CD46: variants seen among roughly 807,000 people sequenced by gnomAD.
The protein encoded by CD46 is CD46 molecule, also known as membrane cofactor protein.
In CD46, 30 loss-of-function variants were observed where a neutral mutation model predicts 53.3. That is an observed-to-expected ratio of 0.56 (90% CI 0.42 to 0.76). The LOEUF is 0.76. Among genes scored for constraint, CD46 ranks in the 30% least tolerant of loss-of-function variants. The pLI, the probability that CD46 is intolerant of heterozygous loss-of-function variation, is 0.00. For missense variants in CD46, 409 were observed against 463.0 expected, an observed-to-expected ratio of 0.88 and a Z score of 1.07; for synonymous variants, 142 against 152.0, an observed-to-expected ratio of 0.93 and a Z score of 0.48.
At chr1:207,779,143 C>A (rs888596709) in intron 8 of CD46, among the ~76,000 whole-genome samples, 1 of 152,044 alleles carries the variant, frequency 6.6e-6, no homozygotes, top group East Asian at 1.9e-4. Context: ...TTGTATCCTG[C>A]AACTTTGGTG....
intron 5 of CD46, 69 bp from the exon 6 acceptor site, chr1:207,766,944 T>G: frequency 8.1e-7 from 1 of 1,230,766 alleles, no homozygotes; most frequent in Non-Finnish European, 1.2e-6. Context: ...CACTGGAAAT[T>G]ACTACTTTGT....
At chr1:207,780,392 G>A (rs1447466044) in intron 8 of CD46, among the ~76,000 whole-genome samples, 3 of 151,920 alleles carry the variant, frequency 2.0e-5, no homozygotes, top group Non-Finnish European at 4.4e-5. Context: ...TCCTTTTTAT[G>A]GCTGAATAAT....
chr1:207,771,472 G>A lies in CD46; in HGVS notation c.943+1110G>A, dbSNP rs141608653. On this transcript the variant is annotated intron_variant, in intron 8 of 12. Transcript: ENST00000367042. The stretch of plus-strand genomic sequence containing the variant: ...TGTTTTAGTTATGAAGTATTTGCCC[G>A]TGCCTATGTCCTGAATGGTATTGCC... 3.6e-3 allele frequency among the ~76,000 whole-genome samples: 550 copies of A among 152,124 alleles called. 5 individuals are homozygous for A. The highest frequency in any genetic ancestry group is 0.012 in the African/African-American group (513 of 41,512).
intron 12 of CD46, among the ~76,000 whole-genome samples, chr1:207,790,896 G>A (rs759740480): frequency 2.6e-5 from 4 of 152,194 alleles, no homozygotes; most frequent in Non-Finnish European, 5.9e-5. Flanking sequence ...CTTGGACCCT[G>A]TCCACCTTCT....
At chr1:207,770,416 T>C (rs1487992446) in intron 8 of CD46, 54 bp downstream of exon 8, 3 of 1,253,810 alleles carry the variant, frequency 2.4e-6, no homozygotes, top group East Asian at 2.5e-5. Context: ...TATTTATTTT[T>C]ATTATACTTT....
In CD46 at chr1:207,783,339, A is replaced by G. The variant is rs748624930; in HGVS notation, c.982+9A>G. 11 of 1,528,824 alleles carry G rather than the reference A, an allele frequency of 7.2e-6. No homozygotes were observed. The East Asian group carries it at 1.6e-4, about 22-fold the overall frequency. The allele number at this position is 1,528,824 out of a possible 1,614,324, so 94.7% of individuals were successfully genotyped here. A position where few individuals can be genotyped will look rare whatever the true frequency, so the allele number is the denominator to read the frequency against. The stretch of plus-strand genomic sequence containing the variant: ...AATACTTGACAGTTTGGGTTGGTAT[A>G]GCTATCATGACAAATATAAGTGGTA... On this transcript the variant is annotated intron_variant, in intron 9 of 12. Transcript: ENST00000367042.
rs979159098 is a variant in CD46, at chr1:207,793,594, A to G, written c.*117A>G. 2 of 1,612,726 alleles carry G rather than the reference A, an allele frequency of 1.2e-6. No homozygotes were observed. The highest frequency in any genetic ancestry group is 1.7e-4 in the Middle Eastern group (1 of 6,056). Reference sequence around the variant, plus strand: ...CTCCAGCAGAGCAGAGAGGCTGAATAGATTCCACAACCTGGTTTGCCAGTT... The same window carrying G: ...CTCCAGCAGAGCAGAGAGGCTGAATGGATTCCACAACCTGGTTTGCCAGTT... On this transcript the variant is annotated 3_prime_UTR_variant, in exon 13 of 13. Coordinates refer to ENST00000367042, the MANE Select transcript of CD46 (RefSeq NM_172351.3).
At position 207,794,747 on chromosome 1, in the gene CD46, G is replaced by C. The variant is rs1226707676; in HGVS notation, c.*1270G>C. The C allele has an allele frequency of 1.3e-5, 2 of 152,234 alleles. No homozygotes were observed. Among genetic ancestry groups the C allele is most frequent in the African/African-American group, 2.4e-5 (1 of 41,460 alleles). The allele number at this position is 152,234 out of a possible 1,614,324, so 9.4% of individuals were successfully genotyped here. A position where few individuals can be genotyped will look rare whatever the true frequency, so the allele number is the denominator to read the frequency against. On this transcript the variant is annotated 3_prime_UTR_variant, in exon 13 of 13. Coordinates refer to ENST00000367042, the MANE Select transcript of CD46 (RefSeq NM_172351.3). ...GCACTTTATACTCAGGCAGATCTCA[G>C]CCCTCTACTGAGTCCCTTAGCCAAG...
chr1:207,785,215 T>C, intron 10 of CD46, 109 bp downstream of exon 10: 1 of 864,336 alleles, frequency 1.2e-6, no homozygotes, highest in Non-Finnish European at 1.9e-6. Context: ...GTAAATTGGT[T>C]AAACCGATTT....
chr1:207,786,233 C>T (rs139782879), intron 11 of CD46, among the ~76,000 whole-genome samples: 26 of 152,200 alleles, frequency 1.7e-4, no homozygotes, highest in African/African-American at 4.6e-4. Context: ...CAACACTATC[C>T]GATTTCCCTC....
At chr1:207,764,118 G>C (rs1450032311) in intron 5 of CD46, among the ~76,000 whole-genome samples, 2 of 152,144 alleles carry the variant, frequency 1.3e-5, no homozygotes, top group African/African-American at 4.8e-5. Flanking sequence ...AGAGACCTCA[G>C]ATCCCCTCAG....
chr1:207,774,017 A>G (rs753342703), intron 8 of CD46, among the ~76,000 whole-genome samples: 6 of 152,056 alleles, frequency 3.9e-5, no homozygotes, highest in East Asian at 3.9e-4. Context: ...GTGGGAGTCT[A>G]TGTCTCTTTG....
chr1:207,772,771 G>C (rs536507487), intron 8 of CD46, among the ~76,000 whole-genome samples: 1 of 152,298 alleles, frequency 6.6e-6, no homozygotes, highest in African/African-American at 2.4e-5. Context: ...TGGTGGATAA[G>C]CTTTTTGATG....
At chr1:207,788,055 C>A (rs1030116489) in intron 11 of CD46, among the ~76,000 whole-genome samples, 1 of 152,002 alleles carries the variant, frequency 6.6e-6, no homozygotes, top group Non-Finnish European at 1.5e-5. Flanking sequence ...TACTGATGTG[C>A]CTATATTGTT....
At position 207,788,739 on chromosome 1, in the gene CD46, A is replaced by G. The variant is rs141764445; in HGVS notation, c.1083-1514A>G. On this transcript the variant is annotated intron_variant, in intron 11 of 12. Transcript: ENST00000367042. ...GTTGTTAAAGCCTGGCACAAAATGT[A>G]TTTCTTGTAAACTGGTATTTATGGT... is the stretch of plus-strand genomic sequence containing the variant. Among the ~76,000 whole-genome samples, 289 of 152,310 alleles carry G rather than the reference A, an allele frequency of 1.9e-3. 4 individuals are homozygous for G. Among genetic ancestry groups the G allele is most frequent in the Admixed American group, 0.017 (266 of 15,302 alleles).
intron 1 of CD46, among the ~76,000 whole-genome samples, chr1:207,753,720 T>G: frequency 6.6e-6 from 1 of 152,198 alleles, no homozygotes; most frequent in Non-Finnish European, 1.5e-5. Context: ...ACATGCTTAT[T>G]GTGCGATACG....
chr1:207,776,429 T>C (rs1658112399), intron 8 of CD46, among the ~76,000 whole-genome samples: 1 of 152,224 alleles, frequency 6.6e-6, no homozygotes, highest in Admixed American at 6.5e-5. Context: ...AAATCACCTG[T>C]CTTCTGCATC....
intron 7 of CD46, 34 bp downstream of exon 7, chr1:207,767,857 A>T: frequency 1.3e-6 from 2 of 1,489,884 alleles, no homozygotes; most frequent in Non-Finnish European, 1.9e-6. Context: ...TTTTTCAAAA[A>T]TCCTTTAAAT....
chr1:207,776,928 G>T (rs1387010789), intron 8 of CD46, among the ~76,000 whole-genome samples: 1 of 152,182 alleles, frequency 6.6e-6, no homozygotes, highest in African/African-American at 2.4e-5. Flanking sequence ...GACCCACCAT[G>T]CCCGGCCAAT....
Sources: allele counts gnomAD v4.1 joint callset (sites outside exome capture counted in the v4.1 genomes callset), GRCh38; gene constraint gnomAD v4.1.1; transcripts MANE v1.5; gene names NCBI Gene and HGNC (gene_info 2026-07-23, HGNC 2026-07-21).